Variants in FHOD3 observed in about 807,000 individuals in gnomAD.
The protein encoded by FHOD3 is FH1/FH2 domain-containing protein 3.
A neutral mutation model predicts 173.0 loss-of-function variants in FHOD3; 90 were observed. The ratio of observed to expected loss-of-function variants is 0.52; its 90% CI spans 0.44 to 0.62. The LOEUF is 0.62. Ranked by LOEUF, FHOD3 falls within the 20% of genes least tolerant of loss-of-function variation. FHOD3 has a pLI of 0.00. For synonymous variants in FHOD3, 828 were observed against 823.0 expected, an observed-to-expected ratio of 1.01 and a Z score of -0.10; for missense variants, 1,945 against 2,034.7, an observed-to-expected ratio of 0.96 and a Z score of 0.85.
intron 3 of FHOD3, among the ~76,000 whole-genome samples, chr18:36,397,390 C>G (rs987199915): frequency 2.6e-5 from 4 of 152,104 alleles, no homozygotes; most frequent in African/African-American, 9.7e-5. Flanking sequence ...ATTGTTTTTA[C>G]CCATTTGTAT....
At chr18:36,653,204 A>G (rs1191371264) in intron 12 of FHOD3, 138 bp from the exon 13 acceptor site, 7 of 719,924 alleles carry the variant, frequency 9.7e-6, no homozygotes, top group Admixed American at 2.9e-5. Flanking sequence ...TAAGGTTTAC[A>G]TGTGTATAAT....
At chr18:36,504,447 C>A (rs12607154) in intron 4 of FHOD3, among the ~76,000 whole-genome samples, 25,998 of 151,976 alleles carry the variant, frequency 0.17, 3,301 homozygotes, top group East Asian at 0.58. Flanking sequence ...TTGCAGGGAC[C>A]TGGATGAAAC....
chr18:36,388,520 G>C (rs2048136506), intron 3 of FHOD3, among the ~76,000 whole-genome samples: 2 of 152,258 alleles, frequency 1.3e-5, no homozygotes, highest in South Asian at 2.1e-4. Flanking sequence ...ATGCCCCAGG[G>C]GTCTTTTAGG....
At chr18:36,539,634 A>T (rs1334003382) in intron 5 of FHOD3, among the ~76,000 whole-genome samples, 1 of 152,234 alleles carries the variant, frequency 6.6e-6, no homozygotes, top group Non-Finnish European at 1.5e-5. Context: ...AGTTGTGATG[A>T]AAGAAATTCA....
intron 1 of FHOD3, among the ~76,000 whole-genome samples, chr18:36,340,858 C>T (rs573413716): frequency 8.6e-5 from 13 of 152,002 alleles, no homozygotes; most frequent in South Asian, 4.2e-4. Context: ...AGGATGGTCT[C>T]GATCTCCTGG....
At chr18:36,748,161 GT>G (rs2042233528) in intron 24 of FHOD3, among the ~76,000 whole-genome samples, 1 of 152,088 alleles carries the variant, frequency 6.6e-6, no homozygotes, top group Non-Finnish European at 1.5e-5. Flanking sequence ...CCGTCAGTCA[GT>G]TCTTTTGGAA....
Position 36,717,927 on chromosome 18 carries a change from C to G in FHOD3, c.2629C>G (p.His877Asp). 1 of 1,613,954 alleles carries G rather than the reference C, an allele frequency of 6.2e-7. No homozygotes were observed. Among genetic ancestry groups the G allele is most frequent in the Non-Finnish European group, 8.5e-7 (1 of 1,179,974 alleles). The change falls in exon 19 of 29, where the codon CAT (histidine) becomes GAT (aspartate). Residue 877 changes from histidine (H) to aspartate (D), a missense_variant. Physicochemically the swap from His to Asp is moderately conservative, Grantham distance 81. Transcript: ENST00000590592. ...GTTCATGCTTGACATGCTGTATGCC[C>G]ATAACAGGAAGTCTCCGGATGATGA... ...KRFMLDMLYA[H>D]NRKSPDDEEK...
At chr18:36,301,291 T>C (rs1171095346) in intron 1 of FHOD3, among the ~76,000 whole-genome samples, 5 of 152,210 alleles carry the variant, frequency 3.3e-5, no homozygotes, top group African/African-American at 1.2e-4. Flanking sequence ...CCTAATGATG[T>C]AGTAACTTAG....
At chr18:36,565,733 T>C (rs1157042737) in intron 5 of FHOD3, among the ~76,000 whole-genome samples, 2 of 152,236 alleles carry the variant, frequency 1.3e-5, no homozygotes, top group East Asian at 3.8e-4. Flanking sequence ...AAAAGTATTT[T>C]CTTTATACTG....
chr18:36,573,064 G>A (rs915331160), intron 5 of FHOD3, among the ~76,000 whole-genome samples: 1 of 151,832 alleles, frequency 6.6e-6, no homozygotes, highest in African/African-American at 2.4e-5. Context: ...GGGTGGGGGT[G>A]GTGGTGGTAA....
chr18:36,529,697 G>A (rs547329815), intron 5 of FHOD3, among the ~76,000 whole-genome samples: 31 of 152,270 alleles, frequency 2.0e-4, no homozygotes, highest in African/African-American at 7.0e-4. Flanking sequence ...CTACTCGGGA[G>A]GCTGAGGCAA....
At chr18:36,682,523 T>C (rs574225803) in intron 15 of FHOD3, among the ~76,000 whole-genome samples, 1 of 152,318 alleles carries the variant, frequency 6.6e-6, no homozygotes, top group South Asian at 2.1e-4. Context: ...CCATTATATC[T>C]ACAAGGAATG....
chr18:36,393,704 A>G (rs139001660), intron 3 of FHOD3, among the ~76,000 whole-genome samples: 38 of 152,272 alleles, frequency 2.5e-4, no homozygotes, highest in African/African-American at 8.7e-4. Context: ...TGGAGAATAC[A>G]AAGGGGAGTG....
chr18:36,652,458 A>C (rs2036123635), intron 11 of FHOD3, 112 bp from the exon 12 acceptor site: 1 of 1,264,956 alleles, frequency 7.9e-7, no homozygotes, highest in Admixed American at 2.8e-5. Context: ...CTTTGAAGTG[A>C]GTGATAATAG....
chr18:36,309,939 G>T (rs536496633), intron 1 of FHOD3, among the ~76,000 whole-genome samples: 1 of 152,212 alleles, frequency 6.6e-6, no homozygotes, highest in Non-Finnish European at 1.5e-5. Context: ...TTGGGCCTCC[G>T]TCTCAAAGGT....
chr18:36,639,269 TG>T (rs879850391), intron 10 of FHOD3, among the ~76,000 whole-genome samples: 1 of 152,160 alleles, frequency 6.6e-6, no homozygotes, highest in South Asian at 2.1e-4. Context: ...TTGGCCGGCG[TG>T]GTGGCTCACG....
chr18:36,412,554 T>C (rs1318690297), intron 3 of FHOD3, among the ~76,000 whole-genome samples: 2 of 152,230 alleles, frequency 1.3e-5, no homozygotes, highest in Non-Finnish European at 1.5e-5. Context: ...TATGCGATTT[T>C]CCCCATGTAA....
Position 36,693,441 on chromosome 18 carries a change from A to G in FHOD3, c.2236+18A>G. 4 of 1,607,420 alleles carry G rather than the reference A, an allele frequency of 2.5e-6. No homozygotes were observed. The highest frequency in any genetic ancestry group is 3.4e-6 in the Non-Finnish European group (4 of 1,175,364). On this transcript the variant is annotated intron_variant, in intron 17 of 28. Coordinates refer to ENST00000590592, the MANE Select transcript of FHOD3 (RefSeq NM_001281740.3). ...TCCCCAAGGTGAGTACAGGGAGAGT[A>G]GAGGGAAAATGAACAGGTTAACATC...
intron 9 of FHOD3, among the ~76,000 whole-genome samples, chr18:36,625,153 A>G (rs1252287921): frequency 2.6e-5 from 4 of 152,190 alleles, no homozygotes; most frequent in Non-Finnish European, 5.9e-5. Flanking sequence ...GGAGCAGAAA[A>G]GAGACACGGG....
Sources: allele counts gnomAD v4.1 joint callset (sites outside exome capture counted in the v4.1 genomes callset), GRCh38; gene constraint gnomAD v4.1.1; transcripts MANE v1.5; gene names NCBI Gene and HGNC (gene_info 2026-07-23, HGNC 2026-07-21).